Variants in EVI5 observed in about 807,000 individuals in gnomAD.
EVI5 encodes the protein ecotropic viral integration site 5, also known as ecotropic viral integration site 5 protein homolog.
EVI5 carries 73 observed loss-of-function variants against 112.0 expected under a neutral mutation model. That is an observed-to-expected ratio of 0.65 (90% confidence interval 0.54 to 0.79). The LOEUF (loss-of-function observed/expected upper bound fraction) is 0.79. EVI5 is among the 30% of genes least tolerant of loss of function. The pLI, the probability that EVI5 is intolerant of heterozygous loss-of-function variation, is 0.00. For missense variants in EVI5, 900 were observed against 968.8 expected, an observed-to-expected ratio of 0.93 and a Z score of 0.94; for synonymous variants, 305 against 319.9, an observed-to-expected ratio of 0.95 and a Z score of 0.50.
intron 18 of EVI5, among the ~76,000 whole-genome samples, chr1:92,601,020 A>G (rs2101523406): frequency 6.6e-6 from 1 of 152,330 alleles, no homozygotes; most frequent in East Asian, 1.9e-4. Context: ...TGGTGGTAGC[A>G]AAGTTAGGGG....
intron 16 of EVI5, among the ~76,000 whole-genome samples, chr1:92,615,604 A>T (rs2101686664): frequency 6.6e-6 from 1 of 152,212 alleles, no homozygotes; most frequent in South Asian, 2.1e-4. Flanking sequence ...CCAGTAGTGG[A>T]AACAACCCCT....
At chr1:92,677,899 T>C (rs1363455153) in intron 9 of EVI5, among the ~76,000 whole-genome samples, 1 of 152,306 alleles carries the variant, frequency 6.6e-6, no homozygotes, top group East Asian at 1.9e-4. Context: ...TAATACATAC[T>C]GACATCATGC....
At chr1:92,679,054 A>T (rs940003691) in intron 9 of EVI5, among the ~76,000 whole-genome samples, 1 of 152,340 alleles carries the variant, frequency 6.6e-6, no homozygotes, top group South Asian at 2.1e-4. Context: ...GGTGAACGGC[A>T]GGCAAGTGAA....
At chr1:92,766,830 C>T (rs1255701332) in intron 1 of EVI5, among the ~76,000 whole-genome samples, 1 of 152,086 alleles carries the variant, frequency 6.6e-6, no homozygotes, top group Non-Finnish European at 1.5e-5. Context: ...GCCTATAATC[C>T]CAGCACTTTG....
Position 92,607,576 on chromosome 1 carries a change from T to C in EVI5, c.1974+5A>G. ...AAAACAAAATCAGTTAGTTGACATA[T>C]TTACCTTGCATTCAATCTCTGCTTG... is the stretch of plus-strand genomic sequence containing the variant. On this transcript the variant is annotated splice_donor_5th_base_variant and intron_variant, in intron 17 of 19. Coordinates refer to ENST00000684568, the MANE Select transcript of EVI5 (RefSeq NM_001350197.2). 1 of 1,562,344 alleles carries C rather than the reference T, an allele frequency of 6.4e-7. No individual in the cohort carries two copies. The highest frequency in any genetic ancestry group is 8.6e-7 in the Non-Finnish European group (1 of 1,160,944).
In EVI5 at chr1:92,586,925, T is replaced by G. The variant is rs1279725438; in HGVS notation, c.2070+18382A>C. On this transcript the variant is annotated intron_variant, in intron 18 of 19. Coordinates refer to ENST00000684568, the MANE Select transcript of EVI5 (RefSeq NM_001350197.2). ...CCAAAATCTGGGCACTAAGTGTACA[T>G]AAACTAATTTTTAATAACACCAAGT... Among the ~76,000 whole-genome samples the G allele has an allele frequency of 5.3e-5, 8 of 151,942 alleles. No individual in the cohort carries two copies. In the East Asian group the frequency reaches 1.5e-3, roughly 29 times the overall value.
At chr1:92,689,187 G>A (rs1317504638) in intron 9 of EVI5, among the ~76,000 whole-genome samples, 2 of 152,194 alleles carry the variant, frequency 1.3e-5, no homozygotes, top group Non-Finnish European at 2.9e-5. Flanking sequence ...TGCTGGGTTA[G>A]ACTACAAATT....
chr1:92,771,652 G>C (rs1286723742), intron 1 of EVI5, among the ~76,000 whole-genome samples: 1 of 151,320 alleles, frequency 6.6e-6, no homozygotes. Flanking sequence ...TGTCACCCAG[G>C]CTGGAGTGCA....
chr1:92,690,691 G>A (rs1328094554), intron 9 of EVI5, among the ~76,000 whole-genome samples: 1 of 152,036 alleles, frequency 6.6e-6, no homozygotes, highest in Non-Finnish European at 1.5e-5. Flanking sequence ...AGAGGTGGAA[G>A]GTCATAATGA....
chr1:92,573,548 G>C (rs775578232), intron 18 of EVI5, among the ~76,000 whole-genome samples: 1 of 151,808 alleles, frequency 6.6e-6, no homozygotes, highest in Non-Finnish European at 1.5e-5. Context: ...CATGACCAAG[G>C]CTCACACACT....
At chr1:92,570,814 G>A (rs1670216615) in intron 18 of EVI5, among the ~76,000 whole-genome samples, 1 of 152,100 alleles carries the variant, frequency 6.6e-6, no homozygotes, top group Non-Finnish European at 1.5e-5. Context: ...GTAGGGTCTA[G>A]CTAAAAACTT....
At chr1:92,578,676 C>A (rs1273966916) in intron 18 of EVI5, among the ~76,000 whole-genome samples, 10 of 150,852 alleles carry the variant, frequency 6.6e-5, no homozygotes, top group Admixed American at 5.3e-4. Context: ...TGAGATCGCG[C>A]CACTGCACTC....
intron 19 of EVI5, among the ~76,000 whole-genome samples, chr1:92,538,721 A>G (rs1328945763): frequency 6.6e-6 from 1 of 152,232 alleles, no homozygotes; most frequent in East Asian, 1.9e-4. Flanking sequence ...AGAAGGGAGA[A>G]TTCTTAGGGA....
At chr1:92,719,503 A>C (rs1674378161) in intron 2 of EVI5, among the ~76,000 whole-genome samples, 1 of 152,088 alleles carries the variant, frequency 6.6e-6, no homozygotes, top group Non-Finnish European at 1.5e-5. Flanking sequence ...ACAGTCCTTC[A>C]TGCTAAAAGC....
intron 1 of EVI5, among the ~76,000 whole-genome samples, chr1:92,755,561 CGATGGGCT>C (rs1030700458): frequency 6.6e-6 from 1 of 152,162 alleles, no homozygotes; most frequent in African/African-American, 2.4e-5. Flanking sequence ...TGATACATGT[CGATGGGCT>C]GACTCAGAAA....
At chr1:92,590,328 G>C (rs1276921497) in intron 18 of EVI5, among the ~76,000 whole-genome samples, 1 of 152,130 alleles carries the variant, frequency 6.6e-6, no homozygotes, top group Non-Finnish European at 1.5e-5. Flanking sequence ...AGCTAAAGGA[G>C]GAAGTTCGAA....
intron 19 of EVI5, among the ~76,000 whole-genome samples, chr1:92,559,917 T>C (rs895145984): frequency 2.0e-5 from 3 of 152,026 alleles, no homozygotes; most frequent in African/African-American, 4.8e-5. Flanking sequence ...CATTGTTCTA[T>C]ATACTGGGGG....
chr1:92,543,006 G>T lies in EVI5; in HGVS notation c.2166+20636C>A, dbSNP rs889517037. Among the ~76,000 whole-genome samples the T allele has an allele frequency of 3.3e-5, 5 of 152,122 alleles. No individual in the cohort carries two copies. The East Asian group carries it at 9.6e-4, about 29-fold the overall frequency. ...TTAGCATAATTCTTAAGAACCCTAG[G>T]GTTTTCAGAATGGTAAATGTGCACT... is the stretch of plus-strand genomic sequence containing the variant. On this transcript the variant is annotated intron_variant, in intron 19 of 19. Coordinates refer to ENST00000684568, the MANE Select transcript of EVI5 (RefSeq NM_001350197.2).
At chr1:92,754,980 T>G in intron 1 of EVI5, among the ~76,000 whole-genome samples, 1 of 152,172 alleles carries the variant, frequency 6.6e-6, no homozygotes, top group Admixed American at 6.5e-5. Flanking sequence ...TACATGTAAG[T>G]ATAATGTTAT....
Sources: allele counts gnomAD v4.1 joint callset (sites outside exome capture counted in the v4.1 genomes callset), GRCh38; gene constraint gnomAD v4.1.1; transcripts MANE v1.5; gene names NCBI Gene and HGNC (gene_info 2026-07-23, HGNC 2026-07-21).